Variants in ADH1C observed in about 807,000 individuals in gnomAD.
ADH1C encodes the protein alcohol dehydrogenase 1C.
A neutral mutation model predicts 35.0 loss-of-function variants in ADH1C; 26 were observed. The observed-to-expected ratio is 0.74, with a 90% CI of 0.54 to 1.03. The LOEUF is 1.03. ADH1C is among the 50% of genes least tolerant of loss of function. ADH1C has a pLI of 0.00. For synonymous variants in ADH1C, 170 were observed against 169.3 expected (o/e 1.00, Z -0.03); for missense variants, 413 against 465.4 (o/e 0.89, Z 1.04).
chr4:99,348,116 T>TATTTC (rs2110662035), intron 1 of ADH1C, among the ~76,000 whole-genome samples: 1 of 152,224 alleles, frequency 6.6e-6, no homozygotes, highest in Admixed American at 6.5e-5. Flanking sequence ...TATTTTATTT[T>TATTTC]ATTTTTTTTG....
chr4:99,337,591 T>A (rs1490147619), intron 8 of ADH1C, among the ~76,000 whole-genome samples: 4 of 151,928 alleles, frequency 2.6e-5, no homozygotes, highest in African/African-American at 4.8e-5. Context: ...TTATATATAG[T>A]GTGTGTGTGG....
intron 8 of ADH1C, 147 bp from the exon 9 acceptor site, chr4:99,336,923 A>T (rs1734290866): frequency 1.8e-6 from 2 of 1,123,930 alleles, no homozygotes; most frequent in Non-Finnish European, 2.6e-6. Context: ...ATTTGGGTCA[A>T]GTCAAGTGAA....
At position 99,352,741 on chromosome 4, in the gene ADH1C, G is replaced by A; in HGVS notation, c.-66C>T. ...ACTTGTGGATTTCTTCTCTGCTTGA[G>A]TGCATAAAGCAGGTATGTTGCACAG... On this transcript the variant is annotated 5_prime_UTR_variant, in exon 1 of 9. Coordinates refer to ENST00000515683, the MANE Select transcript of ADH1C (RefSeq NM_000669.5). 1 of 1,526,440 alleles carries A rather than the reference G, an allele frequency of 6.6e-7. No homozygotes were observed. The highest frequency in any genetic ancestry group is 9.1e-7 in the Non-Finnish European group (1 of 1,101,432). The allele number at this position is 1,526,440 out of a possible 1,614,324, so 94.6% of individuals were successfully genotyped here.
chr4:99,345,416 C>T (rs1734510149), intron 3 of ADH1C, 150 bp from the exon 4 acceptor site: 2 of 867,152 alleles, frequency 2.3e-6, no homozygotes, highest in South Asian at 1.9e-5. Flanking sequence ...TTGTCATTGC[C>T]TGCCAAGGCA....
At position 99,339,740 on chromosome 4, in the gene ADH1C, T is replaced by C. The variant is rs762174774; in HGVS notation, c.965-25A>G. 3.8e-6 allele frequency: 6 copies of C among 1,593,578 alleles called. No individual in the cohort carries two copies. The African/African-American group carries it at 5.4e-5, about 14-fold the overall frequency. On this transcript the variant is annotated intron_variant, in intron 7 of 8. Transcript: ENST00000515683. The stretch of plus-strand genomic sequence containing the variant: ...CCTGAAAAGAAGAAAATATCATTGA[T>C]AGATTCAACCAGGGTAAGTAGGAGA...
chr4:99,349,286 T>C (rs1354123132), intron 1 of ADH1C, among the ~76,000 whole-genome samples: 1 of 150,710 alleles, frequency 6.6e-6, no homozygotes, highest in African/African-American at 2.4e-5. Context: ...CTTTAATCCA[T>C]CTTGAATTAA....
rs1734443491 is a variant in ADH1C, at chr4:99,342,740, A to G, written c.828+55T>C. On this transcript the variant is annotated intron_variant, in intron 6 of 8. Transcript: ENST00000515683. ...CATAATACGTATATTCTACTGCCTA[A>G]ATGCATCCTCCAGGTTGCAGAGGCA... 2.5e-6 allele frequency: 4 copies of G among 1,610,638 alleles called. No individual in the cohort carries two copies. In the Admixed American group the frequency reaches 6.7e-5, roughly 27 times the overall value.
rs1048151747 is a variant in ADH1C at position 99,347,864 on chromosome 4, G to C, written c.19-18C>G. ...TTGATTACCTAGAACATCAGACAGAGAGATGGTACCAGTGTTTTCCCACGC... is the reference window on the plus strand; with the variant it reads ...TTGATTACCTAGAACATCAGACAGACAGATGGTACCAGTGTTTTCCCACGC... On this transcript the variant is annotated intron_variant, in intron 1 of 8. Coordinates refer to ENST00000515683, the MANE Select transcript of ADH1C (RefSeq NM_000669.5). The C allele has an allele frequency of 6.2e-7, 1 of 1,613,076 alleles. No individual in the cohort carries two copies. Among genetic ancestry groups the C allele is most frequent in the African/African-American group, 1.3e-5 (1 of 75,046 alleles).
chr4:99,344,640 T>C (rs1734486165), intron 5 of ADH1C, among the ~76,000 whole-genome samples: 2 of 150,280 alleles, frequency 1.3e-5, no homozygotes, highest in East Asian at 3.9e-4. Flanking sequence ...AGAAGAAAAA[T>C]TATTGAAAAT....
At chr4:99,337,208 A>G (rs1385098227) in intron 8 of ADH1C, among the ~76,000 whole-genome samples, 3 of 151,806 alleles carry the variant, frequency 2.0e-5, no homozygotes, top group Non-Finnish European at 4.4e-5. Flanking sequence ...TTTCCATATT[A>G]TTTCCATTTA....
chr4:99,340,310 A>T (rs1457011476), intron 7 of ADH1C, among the ~76,000 whole-genome samples: 1 of 152,090 alleles, frequency 6.6e-6, no homozygotes, highest in African/African-American at 2.4e-5. Context: ...GCTACTCTGG[A>T]GGTTGAGATA....
chr4:99,339,774 G>A, intron 7 of ADH1C, 59 bp from the exon 8 acceptor site: 1 of 1,508,902 alleles, frequency 6.6e-7, no homozygotes, highest in Middle Eastern at 1.7e-4. Context: ...GAATTGAAGA[G>A]AAGATTTTCC....
intron 8 of ADH1C, among the ~76,000 whole-genome samples, chr4:99,338,301 G>A (rs183389061): frequency 1.4e-5 from 2 of 146,812 alleles, no homozygotes; most frequent in Non-Finnish European, 3.0e-5. Flanking sequence ...TCTGGTTTTG[G>A]TCATCTCTAT....
At chr4:99,343,189 T>A in intron 5 of ADH1C, 134 bp from the exon 6 acceptor site, 2 of 1,331,606 alleles carry the variant, frequency 1.5e-6, no homozygotes, top group South Asian at 1.5e-5. Context: ...TCGAAACCTG[T>A]TTTGGCTTGA....
chr4:99,347,230 A>G, intron 2 of ADH1C, 86 bp from the exon 3 acceptor site: 1 of 1,475,190 alleles, frequency 6.8e-7, no homozygotes, highest in Non-Finnish European at 9.1e-7. Flanking sequence ...TAAAATTGTT[A>G]TTCAAAAATA....
chr4:99,338,647 T>C (rs1734342505), intron 8 of ADH1C, among the ~76,000 whole-genome samples: 1 of 149,134 alleles, frequency 6.7e-6, no homozygotes, highest in African/African-American at 2.5e-5. Context: ...CATGAGAAAA[T>C]GCATGTAAGA....
At chr4:99,348,187 A>T (rs1395686245) in intron 1 of ADH1C, among the ~76,000 whole-genome samples, 2 of 151,706 alleles carry the variant, frequency 1.3e-5, no homozygotes, top group African/African-American at 4.8e-5. Context: ...CAGGTTAGTT[A>T]CATATGTATA....
chr4:99,344,781 T>G, intron 5 of ADH1C, 81 bp downstream of exon 5: 2 of 1,562,504 alleles, frequency 1.3e-6, no homozygotes, highest in Admixed American at 1.7e-5. Flanking sequence ...AAATAATTTC[T>G]GATTCTTGCA....
At chr4:99,348,382 T>A (rs539828419) in intron 1 of ADH1C, among the ~76,000 whole-genome samples, 1 of 151,298 alleles carries the variant, frequency 6.6e-6, no homozygotes, top group Non-Finnish European at 1.5e-5. Context: ...CGGTGTTTGG[T>A]TTTTTGTTCT....
Sources: allele counts gnomAD v4.1 joint callset (sites outside exome capture counted in the v4.1 genomes callset), GRCh38; gene constraint gnomAD v4.1.1; transcripts MANE v1.5; gene names NCBI Gene and HGNC (gene_info 2026-07-23, HGNC 2026-07-21).